The following PTCHD4 variants were observed in gnomAD, a reference collection of about 807,000 sequenced individuals.
PTCHD4 encodes the protein patched domain-containing protein 4.
PTCHD4 carries 33 observed loss-of-function variants against 58.1 expected under a neutral mutation model. That is an observed-to-expected ratio of 0.57 (90% CI 0.43 to 0.76). The LOEUF (loss-of-function observed/expected upper bound fraction) is 0.76, where lower values mean the gene tolerates loss of function less well. Among genes scored for constraint, PTCHD4 ranks in the 30% least tolerant of loss-of-function variants. PTCHD4 has a pLI of 0.00. For missense variants in PTCHD4, 1,058 were observed against 1,027.1 expected (o/e 1.03, Z -0.41); for synonymous variants, 478 against 409.6 (o/e 1.17, Z -2.02).
chr6:47,902,502 G>A (rs575117940), intron 4 of PTCHD4, among the ~76,000 whole-genome samples: 31 of 152,270 alleles, frequency 2.0e-4, no homozygotes, highest in South Asian at 1.4e-3. Context: ...GAAAGTTTGC[G>A]TGAAGGAAAT....
chr6:47,965,998 G>C (rs1027299324), intron 4 of PTCHD4, among the ~76,000 whole-genome samples: 8 of 152,266 alleles, frequency 5.3e-5, no homozygotes, highest in African/African-American at 1.7e-4. Flanking sequence ...TTTGATGTAA[G>C]TGCATTGAGG....
intron 4 of PTCHD4, among the ~76,000 whole-genome samples, chr6:47,964,321 A>G (rs902154150): frequency 6.6e-6 from 1 of 150,980 alleles, no homozygotes; most frequent in African/African-American, 2.5e-5. Flanking sequence ...TGTTATTACC[A>G]CATTTTTTTT....
chr6:48,068,200 A>G lies in PTCHD4; in HGVS notation c.417+30T>C, dbSNP rs780392972. 4 of 1,518,746 alleles carry G rather than the reference A, an allele frequency of 2.6e-6. No individual in the cohort carries two copies. Among genetic ancestry groups the G allele is most frequent in the African/African-American group, 2.8e-5 (2 of 71,798 alleles). 94.1% of individuals were successfully genotyped at this position (1,518,746 alleles called of 1,614,324 possible). A position where few individuals can be genotyped will look rare whatever the true frequency, so the allele number is the denominator to read the frequency against. Reference sequence around the variant, plus strand: ...GATTTCTCAACACACACAGATGGGAAAAAGTATAATTATAGCCCTTGTGGT... The same window carrying G: ...GATTTCTCAACACACACAGATGGGAGAAAGTATAATTATAGCCCTTGTGGT... On this transcript the variant is annotated intron_variant, in intron 3 of 4. Coordinates refer to ENST00000339488, the MANE Select transcript of PTCHD4 (RefSeq NM_001384253.1). This position sits in a 1 kb window ranked among gnomAD's most constrained non-coding sequence, Gnocchi z 4.2.
At chr6:47,999,623 C>T (rs550296546) in intron 4 of PTCHD4, among the ~76,000 whole-genome samples, 8 of 152,226 alleles carry the variant, frequency 5.3e-5, no homozygotes, top group East Asian at 3.9e-4. Flanking sequence ...GGGAAATAGA[C>T]GTGCACAACG....
chr6:48,057,842 C>T (rs147214903), intron 3 of PTCHD4, among the ~76,000 whole-genome samples: 94 of 152,166 alleles, frequency 6.2e-4, no homozygotes, highest in African/African-American at 2.1e-3. Flanking sequence ...ATGGGAAGTG[C>T]TTGTAAGTGT....
At chr6:48,050,678 G>A (rs1582079594) in intron 3 of PTCHD4, among the ~76,000 whole-genome samples, 1 of 151,932 alleles carries the variant, frequency 6.6e-6, no homozygotes, top group East Asian at 1.9e-4. Context: ...GGTCCATTGA[G>A]CACACACCAC....
At chr6:47,890,407 A>T (rs1764340653) in intron 4 of PTCHD4, among the ~76,000 whole-genome samples, 1 of 152,086 alleles carries the variant, frequency 6.6e-6, no homozygotes, top group African/African-American at 2.4e-5. Context: ...CTTGTGTTTA[A>T]ATCCCATATC....
At chr6:47,964,823 C>T (rs549929929) in intron 4 of PTCHD4, among the ~76,000 whole-genome samples, 31 of 152,090 alleles carry the variant, frequency 2.0e-4, no homozygotes, top group Non-Finnish European at 1.8e-4. Context: ...CAATAATTAG[C>T]GGAAGATACC....
chr6:48,038,556 C>T (rs1056809191), intron 3 of PTCHD4, among the ~76,000 whole-genome samples: 2 of 150,720 alleles, frequency 1.3e-5, no homozygotes, highest in Non-Finnish European at 2.9e-5. Context: ...ATAAGAATCG[C>T]TTGAACCCGG....
chr6:47,955,939 C>T (rs893353938), intron 4 of PTCHD4, among the ~76,000 whole-genome samples: 1 of 152,080 alleles, frequency 6.6e-6, no homozygotes, highest in Non-Finnish European at 1.5e-5. Context: ...CTAAATTAAA[C>T]TTTTATTATG....
chr6:47,960,433 A>G (rs1015827241), intron 4 of PTCHD4, among the ~76,000 whole-genome samples: 5 of 152,116 alleles, frequency 3.3e-5, no homozygotes. Context: ...ATAAAAATGC[A>G]AGACCTAACT....
Position 47,859,640 on chromosome 6 carries a change from A to AT in PTCHD4, c.*18662_*18663insA, listed in dbSNP as rs1178874128. Among the ~76,000 whole-genome samples the AT allele has an allele frequency of 6.6e-6, 1 of 151,612 alleles. No homozygotes were observed. Among genetic ancestry groups the AT allele is most frequent in the Non-Finnish European group, 1.5e-5 (1 of 67,836 alleles). On this transcript the variant is annotated 3_prime_UTR_variant, in exon 5 of 5. Transcript: ENST00000339488. ...GGCTTATAGCAGTTTACAGAGCAGA[A>AT]AAATATCTCTGCCCCCTTAGAGCTT...
chr6:47,931,782 G>A (rs1473123088), intron 4 of PTCHD4, among the ~76,000 whole-genome samples: 1 of 144,862 alleles, frequency 6.9e-6, no homozygotes, highest in African/African-American at 2.4e-5. Flanking sequence ...ACAATAGCAG[G>A]GGTAATGATT....
rs1192720814 is a variant in PTCHD4, at chr6:47,860,098, G to A, written c.*18205C>T. On this transcript the variant is annotated 3_prime_UTR_variant, in exon 5 of 5. Transcript: ENST00000339488. The stretch of plus-strand genomic sequence containing the variant: ...TTTGAAGCTGCATTTCCTTCTTGAA[G>A]TATTCCCCTTTAATGCCAATAGTTC... Among the ~76,000 whole-genome samples, 1 of 152,028 alleles carries A rather than the reference G, an allele frequency of 6.6e-6. No homozygotes were observed. Among genetic ancestry groups the A allele is most frequent in the Non-Finnish European group, 1.5e-5 (1 of 67,968 alleles).
At chr6:47,890,980 G>A (rs142715649) in intron 4 of PTCHD4, 1 of 622,560 alleles carries the variant, frequency 1.6e-6, no homozygotes, top group African/African-American at 2.0e-5. Context: ...GGCTGAGGCT[G>A]GTGGATCACT....
intron 1 of PTCHD4, among the ~76,000 whole-genome samples, chr6:48,084,056 A>G (rs1765216059): frequency 6.6e-6 from 1 of 152,070 alleles, no homozygotes; most frequent in South Asian, 2.1e-4. Context: ...AAAACCTCCT[A>G]TATGGGGTTC....
At chr6:48,091,771 GAGTAGCT>G (rs1582130439) in intron 1 of PTCHD4, among the ~76,000 whole-genome samples, 1 of 151,806 alleles carries the variant, frequency 6.6e-6, no homozygotes, top group East Asian at 1.9e-4. Context: ...TTAGACTCCT[GAGTAGCT>G]GGGATTAAAG....
In PTCHD4 at chr6:47,936,836, A is replaced by G. The variant is rs144080683; in HGVS notation, c.899-56900T>C. On this transcript the variant is annotated intron_variant, in intron 4 of 4. Transcript: ENST00000339488. Reference sequence around the variant, plus strand: ...AGTATGTTAGCCTGTGATGAGTACAATAGAAAAAAGTAGAGTAGGATAAAG... The same window carrying G: ...AGTATGTTAGCCTGTGATGAGTACAGTAGAAAAAAGTAGAGTAGGATAAAG... Among the ~76,000 whole-genome samples the G allele has an allele frequency of 2.8e-3, 421 of 152,368 alleles. 3 individuals carry two copies. Among genetic ancestry groups the G allele is most frequent in the African/African-American group, 8.4e-3 (351 of 41,586 alleles).
At chr6:47,989,581 C>T (rs1467575932) in intron 4 of PTCHD4, among the ~76,000 whole-genome samples, 1 of 152,172 alleles carries the variant, frequency 6.6e-6, no homozygotes, top group African/African-American at 2.4e-5. Flanking sequence ...GGCCAAGGTA[C>T]AGCTCAGGCT....
Sources: gnomAD v4.1 joint callset for allele counts (sites outside exome capture counted in the v4.1 genomes callset) on GRCh38, gnomAD v4.1.1 for gene constraint, Gnocchi (gnomAD v3.1) non-coding constraint, MANE v1.5 for transcripts, NCBI Gene and HGNC (gene_info 2026-07-23, HGNC 2026-07-21) for gene names.